Variants in NXN observed in about 807,000 individuals in gnomAD.
The protein encoded by NXN is nucleoredoxin, also known as nucleoredoxin 1.
NXN carries 16 observed loss-of-function variants against 48.6 expected under a neutral mutation model. The observed-to-expected ratio is 0.33, with a 90% CI of 0.22 to 0.50. The LOEUF is 0.50. Among genes scored for constraint, NXN ranks in the 20% least tolerant of loss-of-function variants. NXN has a pLI of 0.98. For synonymous variants in NXN, 281 were observed against 269.6 expected (o/e 1.04, Z -0.41); for missense variants, 492 against 605.5 (o/e 0.81, Z 1.97).
At chr17:805,024 G>GCCCCCCCCCCCC in intron 6 of NXN, 44 bp downstream of exon 6, 1 of 1,380,626 alleles carries the variant, frequency 7.2e-7, no homozygotes, top group Non-Finnish European at 1.0e-6. Context: ...CTCCTGTCCC[G>GCCCCCCCCCCCC]CCCCCCAGCC....
intron 5 of NXN, among the ~76,000 whole-genome samples, chr17:818,418 CA>C (rs1464343738): frequency 6.6e-6 from 1 of 152,000 alleles, no homozygotes; most frequent in Non-Finnish European, 1.5e-5. Flanking sequence ...ATGCTCCCAA[CA>C]ATTCTCTGTG....
At chr17:896,855 C>CCGGGGG in intron 1 of NXN, 2 of 1,102,004 alleles carry the variant, frequency 1.8e-6, no homozygotes, top group Non-Finnish European at 2.4e-6. Flanking sequence ...GCGGTCCTGA[C>CCGGGGG]CACCCGCCCC....
At chr17:947,583 A>AT (rs2069057728) in intron 1 of NXN, among the ~76,000 whole-genome samples, 1 of 151,936 alleles carries the variant, frequency 6.6e-6, no homozygotes, top group Non-Finnish European at 1.5e-5. Context: ...AAATACAAAA[A>AT]TTAGCCGGGA....
At chr17:943,703 T>C (rs2069008327) in intron 1 of NXN, among the ~76,000 whole-genome samples, 1 of 144,556 alleles carries the variant, frequency 6.9e-6, no homozygotes, top group Admixed American at 6.9e-5. Context: ...ACGCCTGTAA[T>C]CCCAGCTACG....
rs578105841 is a variant in NXN at position 907,857 on chromosome 17, G to C, written c.360+71462C>G. The C allele has an allele frequency of 1.1e-4, 16 of 152,252 alleles. No individual in the cohort carries two copies. In the South Asian group the frequency reaches 3.3e-3, roughly 32 times the overall value. 9.4% of individuals were successfully genotyped at this position (152,252 alleles called of 1,614,324 possible). A position where few individuals can be genotyped will look rare whatever the true frequency, so the allele number is the denominator to read the frequency against. On this transcript the variant is annotated intron_variant, in intron 1 of 7. Coordinates refer to ENST00000336868, the MANE Select transcript of NXN (RefSeq NM_022463.5). ...GGGTTCTGTCCTCTCGAAACCAGTT[G>C]CATCTATCTTTGTTGGCTTCATGCT...
chr17:942,387 T>C (rs369222589), intron 1 of NXN, among the ~76,000 whole-genome samples: 29 of 36,736 alleles, frequency 7.9e-4, no homozygotes, highest in East Asian at 2.1e-3. Context: ...GGATTTACAG[T>C]GAACAAGATT....
chr17:809,432 G>C (rs895927163), intron 5 of NXN, among the ~76,000 whole-genome samples: 13 of 152,230 alleles, frequency 8.5e-5, no homozygotes, highest in Non-Finnish European at 1.5e-4. Context: ...CCACGGTTTA[G>C]TCTGGTGACT....
intron 5 of NXN, among the ~76,000 whole-genome samples, chr17:807,949 T>C (rs1265678874): frequency 6.6e-6 from 1 of 152,068 alleles, no homozygotes; most frequent in Non-Finnish European, 1.5e-5. Context: ...AGCATCAGGA[T>C]CCCCCTAACA....
At chr17:939,097 G>C (rs781679781) in intron 1 of NXN, among the ~76,000 whole-genome samples, 11 of 151,852 alleles carry the variant, frequency 7.2e-5, no homozygotes, top group Admixed American at 2.0e-4. Flanking sequence ...AGGAAAATGA[G>C]AGCTAAAAAT....
At chr17:905,270 T>TATATATATATATATATATATATATATAG (rs1488360942) in intron 1 of NXN, 4 of 149,384 alleles carry the variant, frequency 2.7e-5, no homozygotes, top group African/African-American at 4.9e-5. Context: ...TATATATATA[T>TATATATATATATATATATATATATATAG]ATAGATGCCG....
chr17:899,783 G>A (rs1291156934), intron 1 of NXN, among the ~76,000 whole-genome samples: 1 of 152,116 alleles, frequency 6.6e-6, no homozygotes, highest in Non-Finnish European at 1.5e-5. Flanking sequence ...CCAGCTACTA[G>A]GGAGGATGAG....
intron 1 of NXN, among the ~76,000 whole-genome samples, chr17:923,114 C>T (rs916235072): frequency 6.6e-6 from 1 of 152,082 alleles, no homozygotes; most frequent in Non-Finnish European, 1.5e-5. Context: ...GCATTATCCA[C>T]GAGTTCAGGA....
intron 1 of NXN, chr17:864,246 G>T: frequency 1.7e-6 from 2 of 1,189,180 alleles, no homozygotes; most frequent in Non-Finnish European, 2.4e-6. Context: ...CTTTTCTGTA[G>T]GTCTGAAATT....
rs1567810779 is a variant in NXN at position 810,193 on chromosome 17, G to GAGTCTGTGAGTGGCGTGCACGTTACA, written c.821-4947_821-4946insTGTAACGTGCACGCCACTCACAGACT. ...AGTCTGTGACTGGCGTGCATGTTAC[G>GAGTCTGTGAGTGGCGTGCACGTTACA]AGTCTGTGAGTGGCGTGCACGTTAC... On this transcript the variant is annotated intron_variant, in intron 5 of 7. Coordinates refer to ENST00000336868, the MANE Select transcript of NXN (RefSeq NM_022463.5). Among the ~76,000 whole-genome samples, 82 of 109,932 alleles carry GAGTCTGTGAGTGGCGTGCACGTTACA rather than the reference G, an allele frequency of 7.5e-4. 7 individuals carry two copies. The highest frequency in any genetic ancestry group is 1.5e-3 in the African/African-American group (45 of 29,534). The allele number at this position is 109,932 out of a possible 152,430, so 72.1% of individuals were successfully genotyped here.
intron 1 of NXN, among the ~76,000 whole-genome samples, chr17:924,850 C>T (rs760165803): frequency 1.7e-4 from 26 of 152,336 alleles, no homozygotes; most frequent in East Asian, 3.9e-4. Flanking sequence ...CTTTCATCTG[C>T]GAAACTCCCA....
chr17:901,756 G>C (rs372992200), intron 1 of NXN, among the ~76,000 whole-genome samples: 1 of 152,136 alleles, frequency 6.6e-6, no homozygotes, highest in African/African-American at 2.4e-5. Flanking sequence ...CCGCAGTGCA[G>C]TGGCGCAATC....
chr17:964,411 C>T (rs1240830218), intron 1 of NXN, among the ~76,000 whole-genome samples: 2 of 152,182 alleles, frequency 1.3e-5, no homozygotes, highest in Non-Finnish European at 2.9e-5. Flanking sequence ...GAGTGTTCCA[C>T]CCCAGTCTCT....
intron 1 of NXN, among the ~76,000 whole-genome samples, chr17:891,821 C>T (rs2068422349): frequency 1.6e-5 from 1 of 62,398 alleles, no homozygotes; most frequent in Non-Finnish European, 4.0e-5. Flanking sequence ...ATGCACAACC[C>T]AACAAGGAAC....
chr17:979,024 G>A (rs895899544), intron 1 of NXN, among the ~76,000 whole-genome samples: 1 of 148,922 alleles, frequency 6.7e-6, no homozygotes, highest in Non-Finnish European at 1.5e-5. Context: ...GGGGGCCGAG[G>A]GGGGTCCAAC....
Sources: allele counts gnomAD v4.1 joint callset (sites outside exome capture counted in the v4.1 genomes callset), GRCh38; gene constraint gnomAD v4.1.1; transcripts MANE v1.5; gene names NCBI Gene and HGNC (gene_info 2026-07-23, HGNC 2026-07-21).